Variants in PPP1R12B observed in about 807,000 individuals in gnomAD.
The protein encoded by PPP1R12B is myosin phosphatase target subunit 2.
PPP1R12B carries 76 observed loss-of-function variants against 126.1 expected under a neutral mutation model. The observed-to-expected ratio is 0.60, with a 90% confidence interval of 0.50 to 0.73. The LOEUF is 0.73. PPP1R12B is among the 30% of genes least tolerant of loss of function. The probability of loss-of-function intolerance (pLI) is 0.00; values close to 1 mark genes in which losing one functional copy is unlikely to be tolerated. For synonymous variants in PPP1R12B, 356 were observed against 434.7 expected (o/e 0.82, Z 2.25); for missense variants, 1,052 against 1,205.1 (o/e 0.87, Z 1.88).
chr1:202,556,907 C>T (rs1467385568), intron 18 of PPP1R12B, among the ~76,000 whole-genome samples: 3 of 152,178 alleles, frequency 2.0e-5, no homozygotes, highest in Non-Finnish European at 4.4e-5. Flanking sequence ...TTTTAATTCA[C>T]CCAGATGCTA....
intron 13 of PPP1R12B, among the ~76,000 whole-genome samples, chr1:202,488,120 G>A (rs1316155998): frequency 1.3e-5 from 2 of 152,192 alleles, no homozygotes; most frequent in Non-Finnish European, 2.9e-5. Context: ...CCATTATTAA[G>A]TAGAATAAGG....
At chr1:202,506,805 AGT>A (rs1230343865) in intron 18 of PPP1R12B, among the ~76,000 whole-genome samples, 1 of 152,234 alleles carries the variant, frequency 6.6e-6, no homozygotes, top group African/African-American at 2.4e-5. Context: ...AAATTCATGA[AGT>A]ATAGAAAAAT....
chr1:202,484,156 T>G (rs1216552502), intron 13 of PPP1R12B, among the ~76,000 whole-genome samples: 2 of 152,214 alleles, frequency 1.3e-5, no homozygotes, highest in African/African-American at 4.8e-5. Context: ...TTTGTAAATT[T>G]TTTTTTCTGG....
intron 18 of PPP1R12B, among the ~76,000 whole-genome samples, chr1:202,553,984 A>G (rs1482334260): frequency 6.6e-6 from 1 of 152,098 alleles, no homozygotes; most frequent in East Asian, 1.9e-4. Flanking sequence ...AGTTGATTTG[A>G]TCTGTGCTTA....
Position 202,416,779 on chromosome 1 carries a change from C to G in PPP1R12B, c.292-8C>G, listed in dbSNP as rs1455265599. On this transcript the variant is annotated splice_region_variant and splice_polypyrimidine_tract_variant and intron_variant, in intron 1 of 23. Coordinates refer to ENST00000608999, the MANE Select transcript of PPP1R12B (RefSeq NM_002481.4). ...TTGTTGAATGAATGAATGGACTTTT[C>G]TTTTCAGGCATGTATTGATGAAAAT... 6.2e-7 allele frequency: 1 copy of G among 1,612,142 alleles called. No homozygotes were observed.
At chr1:202,498,205 A>G (rs1182144995) in intron 18 of PPP1R12B, among the ~76,000 whole-genome samples, 3 of 152,220 alleles carry the variant, frequency 2.0e-5, no homozygotes, top group Non-Finnish European at 4.4e-5. Context: ...AGGACTGTTG[A>G]CTTGAAAGTA....
At chr1:202,410,844 T>G (rs1667288934) in intron 1 of PPP1R12B, among the ~76,000 whole-genome samples, 1 of 152,224 alleles carries the variant, frequency 6.6e-6, no homozygotes, top group South Asian at 2.1e-4. Flanking sequence ...GAACACGTTG[T>G]TACTTTAGTA....
Position 202,580,609 on chromosome 1 carries a change from CCACCCCTCT to C in PPP1R12B, c.*50_*58del. ...AAGAAAGGGACAGCATTTGCTGCCC[CCACCCCTCT>C]TTTCCAGTCCTTGCCTTCCAACCAA... On this transcript the variant is annotated 3_prime_UTR_variant, in exon 24 of 24. Coordinates refer to ENST00000608999, the MANE Select transcript of PPP1R12B (RefSeq NM_002481.4). 3 of 1,476,394 alleles carry C rather than the reference CCACCCCTCT, an allele frequency of 2.0e-6. No individual in the cohort carries two copies. Among genetic ancestry groups the C allele is most frequent in the Non-Finnish European group, 2.8e-6 (3 of 1,055,214 alleles). The allele number at this position is 1,476,394 out of a possible 1,614,324, so 91.5% of individuals were successfully genotyped here.
At chr1:202,407,683 G>C (rs1235129341) in intron 1 of PPP1R12B, among the ~76,000 whole-genome samples, 1 of 152,148 alleles carries the variant, frequency 6.6e-6, no homozygotes, top group Non-Finnish European at 1.5e-5. Flanking sequence ...TGAAGAGACA[G>C]CTACTTGGAA....
At chr1:202,443,079 G>C (rs1671833763) in intron 12 of PPP1R12B, 1 of 982,820 alleles carries the variant, frequency 1.0e-6, no homozygotes, top group Admixed American at 6.1e-5. Context: ...GACTTTAATG[G>C]CCCTCAGATC....
intron 1 of PPP1R12B, among the ~76,000 whole-genome samples, chr1:202,409,292 A>G (rs548815366): frequency 9.9e-5 from 15 of 151,386 alleles, no homozygotes; most frequent in Non-Finnish European, 2.2e-4. Context: ...CATTCCCCTG[A>G]GCAGTGCACA....
chr1:202,420,967 C>CTTTTTTTTTTTTTTTTTTTTTTTTTTT (rs56164548), intron 2 of PPP1R12B, among the ~76,000 whole-genome samples: 1 of 118,548 alleles, frequency 8.4e-6, no homozygotes. Flanking sequence ...CCTCTGCCAA[C>CTTTTTTTTTTTTTTTTTTTTTTTTTTT]TTTTTTTTTT....
chr1:202,486,502 T>G (rs1359044521), intron 13 of PPP1R12B, among the ~76,000 whole-genome samples: 2 of 152,134 alleles, frequency 1.3e-5, no homozygotes, highest in Non-Finnish European at 2.9e-5. Context: ...AATGAACCCT[T>G]TATTTAAAAC....
intron 1 of PPP1R12B, among the ~76,000 whole-genome samples, chr1:202,351,242 T>TTTA (rs1553260119): frequency 3.9e-4 from 46 of 117,516 alleles, no homozygotes; most frequent in East Asian, 6.9e-4. Context: ...TGTTGTTGTT[T>TTTA]AAAAAAAAAA....
chr1:202,464,893 C>A (rs1376002042), intron 13 of PPP1R12B, among the ~76,000 whole-genome samples: 1 of 151,974 alleles, frequency 6.6e-6, no homozygotes, highest in East Asian at 1.9e-4. Context: ...AATAATATGT[C>A]CTTGAGAGCA....
chr1:202,411,728 C>G (rs1667422419), intron 1 of PPP1R12B, among the ~76,000 whole-genome samples: 1 of 152,136 alleles, frequency 6.6e-6, no homozygotes, highest in Admixed American at 6.5e-5. Flanking sequence ...ACTCCCAATG[C>G]TATAGATGAG....
intron 1 of PPP1R12B, among the ~76,000 whole-genome samples, chr1:202,414,621 C>T (rs1667828371): frequency 6.6e-6 from 1 of 152,144 alleles, no homozygotes. Context: ...GCAACACATA[C>T]TGATTATTTT....
rs565995623 is a variant in PPP1R12B at position 202,493,728 on chromosome 1, T to A, written c.2145+411T>A. ...TCTGAGGTAAATATTACTATTTCTA[T>A]TTTATATATGAGGAAATTGAATCAC... is the stretch of plus-strand genomic sequence containing the variant. On this transcript the variant is annotated intron_variant, in intron 15 of 23. Coordinates refer to ENST00000608999, the MANE Select transcript of PPP1R12B (RefSeq NM_002481.4). Among the ~76,000 whole-genome samples the A allele has an allele frequency of 2.0e-5, 3 of 152,292 alleles. No individual in the cohort carries two copies. In the South Asian group the frequency reaches 6.2e-4, roughly 32 times the overall value.
At chr1:202,566,425 G>A (rs937411117) in intron 21 of PPP1R12B, among the ~76,000 whole-genome samples, 12 of 152,190 alleles carry the variant, frequency 7.9e-5, no homozygotes, top group Admixed American at 6.5e-4. Context: ...ACAGTGGAGG[G>A]AGGGCTTCTC....
Sources: gnomAD v4.1 joint callset for allele counts (sites outside exome capture counted in the v4.1 genomes callset) on GRCh38, gnomAD v4.1.1 for gene constraint, MANE v1.5 for transcripts, NCBI Gene and HGNC (gene_info 2026-07-23, HGNC 2026-07-21) for gene names.